Variants in DLG2 observed in about 807,000 individuals in gnomAD.
DLG2 encodes the protein discs large MAGUK scaffold protein 2.
In DLG2, 45 loss-of-function variants were observed where a neutral mutation model predicts 132.5. The ratio of observed to expected loss-of-function variants is 0.34; its 90% CI spans 0.27 to 0.44. The LOEUF (loss-of-function observed/expected upper bound fraction) is 0.44. DLG2 is among the 20% of genes least tolerant of loss of function. DLG2 has a pLI of 1.00. For synonymous variants in DLG2, 424 were observed against 419.6 expected (o/e 1.01, Z -0.13); for missense variants, 1,045 against 1,196.9 (o/e 0.87, Z 1.87).
rs113684110 is a variant in DLG2 at position 83,650,431 on chromosome 11, C to T, written c.1826-17106G>A. Among the ~76,000 whole-genome samples the T allele has an allele frequency of 1.1e-4, 17 of 152,258 alleles. 2 individuals are homozygous for T. Among genetic ancestry groups the T allele is most frequent in the African/African-American group, 3.8e-4 (16 of 41,566 alleles). On this transcript the variant is annotated intron_variant, in intron 18 of 27. Transcript: ENST00000376104. ...TAGGTGGCCTAGAGAAGCTAGAAAA[C>T]ACAAAGAAATGGATTTCTTATAGAG...
chr11:84,032,746 G>C (rs1280701284), intron 11 of DLG2, among the ~76,000 whole-genome samples: 1 of 152,192 alleles, frequency 6.6e-6, no homozygotes, highest in East Asian at 1.9e-4. Flanking sequence ...TCAATGCCTA[G>C]CTCCAAGCCT....
chr11:84,977,445 T>A (rs1475233758), intron 6 of DLG2, among the ~76,000 whole-genome samples: 4 of 152,174 alleles, frequency 2.6e-5, no homozygotes, highest in East Asian at 3.8e-4. Flanking sequence ...TAGGCTCTTG[T>A]TGTGAGATGA....
chr11:84,622,254 T>G (rs1405252775), intron 6 of DLG2, among the ~76,000 whole-genome samples: 3 of 152,154 alleles, frequency 2.0e-5, no homozygotes, highest in Non-Finnish European at 4.4e-5. Context: ...CTGAATAACT[T>G]TTTTCCTCAT....
intron 11 of DLG2, among the ~76,000 whole-genome samples, chr11:84,035,552 G>A (rs2095842180): frequency 6.6e-6 from 1 of 152,196 alleles, no homozygotes; most frequent in African/African-American, 2.4e-5. Context: ...GTTATTGAAG[G>A]TGCATGGGCA....
At chr11:83,596,359 C>G (rs1013876654) in intron 19 of DLG2, among the ~76,000 whole-genome samples, 1 of 152,218 alleles carries the variant, frequency 6.6e-6, no homozygotes, top group Admixed American at 6.5e-5. Flanking sequence ...TCAGGCTCAT[C>G]ATTGACTTCT....
chr11:84,211,942 A>G (rs2096761556), intron 8 of DLG2, among the ~76,000 whole-genome samples: 1 of 152,234 alleles, frequency 6.6e-6, no homozygotes, highest in South Asian at 2.1e-4. Context: ...GAGGATAAAT[A>G]GATGTGTATA....
intron 6 of DLG2, among the ~76,000 whole-genome samples, chr11:84,909,182 G>T (rs985258770): frequency 7.2e-5 from 11 of 152,136 alleles, no homozygotes; most frequent in Admixed American, 1.3e-4. Flanking sequence ...GTTTCTCTCT[G>T]TTCCTGCTCT....
chr11:84,238,186 C>G (rs2097183456), intron 8 of DLG2, among the ~76,000 whole-genome samples: 1 of 151,898 alleles, frequency 6.6e-6, no homozygotes, highest in African/African-American at 2.4e-5. Flanking sequence ...CAGGAACTGG[C>G]CCCTAAAAAA....
At chr11:84,190,103 T>A (rs1393267661) in intron 8 of DLG2, among the ~76,000 whole-genome samples, 1 of 152,196 alleles carries the variant, frequency 6.6e-6, no homozygotes, top group East Asian at 1.9e-4. Flanking sequence ...ATAGCCCTGT[T>A]TGACTTAAAG....
intron 7 of DLG2, among the ~76,000 whole-genome samples, chr11:84,487,086 T>G (rs2099152919): frequency 6.6e-6 from 1 of 152,144 alleles, no homozygotes; most frequent in Non-Finnish European, 1.5e-5. Context: ...AGTTAACTTA[T>G]TTTACCTAGT....
intron 6 of DLG2, among the ~76,000 whole-genome samples, chr11:84,848,003 C>T (rs952004505): frequency 7.9e-5 from 12 of 152,132 alleles, no homozygotes; most frequent in Admixed American, 2.0e-4. Flanking sequence ...GAGGAAGCTA[C>T]TCAACTGTAA....
intron 2 of DLG2, among the ~76,000 whole-genome samples, chr11:85,612,886 G>A (rs2153274940): frequency 6.6e-6 from 1 of 152,236 alleles, no homozygotes. Context: ...AATCTATCCA[G>A]TAAGGATAGT....
At chr11:84,243,303 T>C (rs2154344932) in intron 8 of DLG2, among the ~76,000 whole-genome samples, 1 of 152,270 alleles carries the variant, frequency 6.6e-6, no homozygotes, top group African/African-American at 2.4e-5. Flanking sequence ...TAAATTTAAA[T>C]AACCATATGT....
At chr11:83,707,456 G>A (rs1007713597) in intron 18 of DLG2, among the ~76,000 whole-genome samples, 10 of 152,176 alleles carry the variant, frequency 6.6e-5, no homozygotes, top group Admixed American at 4.6e-4. Context: ...GATCACCTGA[G>A]GTCAGGAGTT....
intron 11 of DLG2, among the ~76,000 whole-genome samples, chr11:83,987,003 T>G (rs1440184439): frequency 6.6e-6 from 1 of 152,164 alleles, no homozygotes; most frequent in African/African-American, 2.4e-5. Flanking sequence ...TCTCCCATTT[T>G]GTAGGTTGCC....
At chr11:85,210,165 C>G (rs1263531121) in intron 4 of DLG2, among the ~76,000 whole-genome samples, 1 of 152,090 alleles carries the variant, frequency 6.6e-6, no homozygotes, top group Admixed American at 6.6e-5. Flanking sequence ...CCAGTAAAGA[C>G]ATATTTTTTT....
intron 11 of DLG2, among the ~76,000 whole-genome samples, chr11:83,984,656 A>G (rs562010813): frequency 6.6e-6 from 1 of 152,214 alleles, no homozygotes; most frequent in South Asian, 2.1e-4. Context: ...GCTATCGAGC[A>G]CGGCCAAAGT....
At chr11:83,489,063 A>AT (rs2093691067) in intron 21 of DLG2, among the ~76,000 whole-genome samples, 1 of 152,030 alleles carries the variant, frequency 6.6e-6, no homozygotes, top group African/African-American at 2.4e-5. Flanking sequence ...GAACTAATGG[A>AT]TGTAGGCATT....
intron 7 of DLG2, among the ~76,000 whole-genome samples, chr11:84,527,024 C>T (rs972878809): frequency 6.6e-6 from 1 of 152,044 alleles, no homozygotes. Context: ...ATGATCCACC[C>T]GCCTCGGCCT....
Sources: allele counts gnomAD v4.1 joint callset (sites outside exome capture counted in the v4.1 genomes callset), GRCh38; gene constraint gnomAD v4.1.1; transcripts MANE v1.5; gene names NCBI Gene and HGNC (gene_info 2026-07-23, HGNC 2026-07-21).